Variants in CISD1 observed in about 807,000 individuals in gnomAD.
The protein encoded by CISD1 is CDGSH iron-sulfur domain-containing protein 1.
In CISD1, 8 loss-of-function variants were observed where a neutral mutation model predicts 12.0. The observed-to-expected ratio is 0.67, with a 90% CI of 0.39 to 1.20. The LOEUF is 1.20. Ranked by LOEUF, CISD1 falls within the 50% of genes most tolerant of loss-of-function variation. The pLI, the probability that CISD1 is intolerant of heterozygous loss-of-function variation, is 0.01. For synonymous variants in CISD1, 38 were observed against 42.2 expected, an observed-to-expected ratio of 0.90 and a Z score of 0.39; for missense variants, 107 against 132.7, an observed-to-expected ratio of 0.81 and a Z score of 0.95.
At chr10:58,279,180 C>A (rs1867572) in intron 2 of CISD1, among the ~76,000 whole-genome samples, 51,447 of 151,856 alleles carry the variant, frequency 0.34, 10,946 homozygotes, top group African/African-American at 0.61. Flanking sequence ...GTTTCATTCA[C>A]AAAACTATGT....
intron 2 of CISD1, among the ~76,000 whole-genome samples, chr10:58,285,376 G>C (rs1839417170): frequency 2.0e-5 from 3 of 152,152 alleles, no homozygotes; most frequent in Admixed American, 6.5e-5. Flanking sequence ...TCATTGTGAA[G>C]TTTCACTGAT....
intron 1 of CISD1, among the ~76,000 whole-genome samples, chr10:58,274,503 T>G (rs1274453731): frequency 6.8e-6 from 1 of 148,086 alleles, no homozygotes; most frequent in Non-Finnish European, 1.5e-5. Flanking sequence ...CTAATGAGAT[T>G]ACAGAATTAG....
chr10:58,285,020 T>C (rs1291542986), intron 2 of CISD1, among the ~76,000 whole-genome samples: 1 of 152,212 alleles, frequency 6.6e-6, no homozygotes, highest in Non-Finnish European at 1.5e-5. Context: ...GGATACATTT[T>C]AGTTTAATTT....
intron 1 of CISD1, among the ~76,000 whole-genome samples, chr10:58,269,978 T>G (rs1448907477): frequency 6.6e-6 from 1 of 152,204 alleles, no homozygotes; most frequent in East Asian, 1.9e-4. Flanking sequence ...ATAATAAAAT[T>G]AAGAGACTTT....
intron 1 of CISD1, among the ~76,000 whole-genome samples, chr10:58,272,012 A>G (rs369001895): frequency 2.6e-5 from 4 of 152,030 alleles, no homozygotes; most frequent in African/African-American, 9.7e-5. Flanking sequence ...CTCCTTGATA[A>G]CTCTAGCACT....
At chr10:58,277,081 G>T in intron 1 of CISD1, 36 bp from the exon 2 acceptor site, 2 of 1,494,642 alleles carry the variant, frequency 1.3e-6, no homozygotes, top group East Asian at 2.3e-5. Flanking sequence ...GTATATTTTG[G>T]TTTTGATAAT....
rs78146977 is a variant in CISD1 at position 58,284,518 on chromosome 10, G to A, written c.238-3043G>A. 4.9e-3 allele frequency among the ~76,000 whole-genome samples: 744 copies of A among 152,118 alleles called. 4 individuals carry two copies. The highest frequency in any genetic ancestry group is 0.021 in the East Asian group (107 of 5,174). On this transcript the variant is annotated intron_variant, in intron 2 of 2. Transcript: ENST00000333926. ...CATAAAAGCTTTATACACTTTAATC[G>A]CATGAAAGTTTATTAACAAATAACC...
chr10:58,278,794 A>G (rs1839343141), intron 2 of CISD1, among the ~76,000 whole-genome samples: 1 of 152,204 alleles, frequency 6.6e-6, no homozygotes, highest in African/African-American at 2.4e-5. Flanking sequence ...ACATGACACC[A>G]CAAGTGGAAA....
In CISD1 at chr10:58,289,015, A is replaced by G. The variant is rs1326930933; in HGVS notation, c.*1365A>G. Reference sequence around the variant, plus strand: ...TGTAGTTTTGTGTATTACTGTAGATAAAAGTTGGTAACAAAATTGTACAGT... The same window carrying G: ...TGTAGTTTTGTGTATTACTGTAGATGAAAGTTGGTAACAAAATTGTACAGT... On this transcript the variant is annotated 3_prime_UTR_variant, in exon 3 of 3. Transcript: ENST00000333926. 1.3e-5 allele frequency: 2 copies of G among 152,186 alleles called. No homozygotes were observed. The highest frequency in any genetic ancestry group is 3.8e-4 in the East Asian group (2 of 5,318). The allele number at this position is 152,186 out of a possible 1,614,324, so 9.4% of individuals were successfully genotyped here.
chr10:58,286,006 C>G (rs1839424435), intron 2 of CISD1, among the ~76,000 whole-genome samples: 1 of 152,012 alleles, frequency 6.6e-6, no homozygotes, highest in South Asian at 2.1e-4. Context: ...GAGATCGAGA[C>G]CATCCTGGCT....
At chr10:58,269,441 G>C (rs1203089817) in intron 1 of CISD1, 137 bp downstream of exon 1, 2 of 778,910 alleles carry the variant, frequency 2.6e-6, no homozygotes, top group Non-Finnish European at 4.1e-6. Flanking sequence ...GCAAGCGCTC[G>C]GCCCGGCTGC....
rs943881238 is a variant in CISD1 at position 58,279,751 on chromosome 10, C to T, written c.237+2429C>T. On this transcript the variant is annotated intron_variant, in intron 2 of 2. Transcript: ENST00000333926. ...CTACTATATATGCATGCGTGAGAAACATTAAAGAGTAAAACAGCAGATGTC... is the reference window on the plus strand; with the variant it reads ...CTACTATATATGCATGCGTGAGAAATATTAAAGAGTAAAACAGCAGATGTC... Among the ~76,000 whole-genome samples the T allele has an allele frequency of 2.2e-4, 33 of 152,208 alleles. 1 individual carries two copies. The highest frequency in any genetic ancestry group is 1.0e-3 in the Admixed American group (16 of 15,286).
rs554817141 is a variant in CISD1, at chr10:58,283,967, A to G, written c.238-3594A>G. On this transcript the variant is annotated intron_variant, in intron 2 of 2. Coordinates refer to ENST00000333926, the MANE Select transcript of CISD1 (RefSeq NM_018464.5). The stretch of plus-strand genomic sequence containing the variant: ...ATTTAATATTCTTTGTGTTTTTTTC[A>G]TAATTTAAAACAATTTAACAAATTT... 3.9e-5 allele frequency among the ~76,000 whole-genome samples: 6 copies of G among 152,338 alleles called. No individual in the cohort carries two copies. In the East Asian group the frequency reaches 9.6e-4, roughly 24 times the overall value.
At chr10:58,269,415 C>A in intron 1 of CISD1, 111 bp downstream of exon 1, 2 of 988,590 alleles carry the variant, frequency 2.0e-6, no homozygotes, top group Non-Finnish European at 3.0e-6. Context: ...GTCCTATAAC[C>A]TTGAGATGCA....
intron 1 of CISD1, among the ~76,000 whole-genome samples, chr10:58,274,821 A>T (rs1839294113): frequency 6.6e-6 from 1 of 152,192 alleles, no homozygotes. Flanking sequence ...AAGCTTAAAA[A>T]AAAAAGTGAC....
chr10:58,273,754 A>G (rs572809487), intron 1 of CISD1, among the ~76,000 whole-genome samples: 1 of 152,222 alleles, frequency 6.6e-6, no homozygotes, highest in African/African-American at 2.4e-5. Flanking sequence ...ATTTGTGTAG[A>G]TATAAAGCAT....
At position 58,286,702 on chromosome 10, in the gene CISD1, C is replaced by T. The variant is rs141504878; in HGVS notation, c.238-859C>T. 2.6e-5 allele frequency among the ~76,000 whole-genome samples: 4 copies of T among 152,246 alleles called. No individual in the cohort carries two copies. The East Asian group carries it at 7.7e-4, about 29-fold the overall frequency. ...TAGAAATTTAGTTTTGTCCCTCTCCCTCCCACTGGACACCAAAACAGCAGT... is the reference window on the plus strand; with the variant it reads ...TAGAAATTTAGTTTTGTCCCTCTCCTTCCCACTGGACACCAAAACAGCAGT... On this transcript the variant is annotated intron_variant, in intron 2 of 2. Transcript: ENST00000333926.
chr10:58,277,636 C>T (rs1839330174), intron 2 of CISD1, among the ~76,000 whole-genome samples: 1 of 149,622 alleles, frequency 6.7e-6, no homozygotes, highest in Non-Finnish European at 1.5e-5. Context: ...TCCTATTCTT[C>T]TTTGCCTTCC....
intron 2 of CISD1, among the ~76,000 whole-genome samples, chr10:58,284,608 G>A (rs978187620): frequency 2.0e-5 from 3 of 152,040 alleles, no homozygotes; most frequent in African/African-American, 7.2e-5. Context: ...GAAGAAACAG[G>A]CTAATTTCAG....
Sources: allele counts gnomAD v4.1 joint callset (sites outside exome capture counted in the v4.1 genomes callset), GRCh38; gene constraint gnomAD v4.1.1; transcripts MANE v1.5; gene names NCBI Gene and HGNC (gene_info 2026-07-23, HGNC 2026-07-21).